The following LYPLAL1 variants were observed in gnomAD, a reference collection of about 807,000 sequenced individuals.
LYPLAL1 encodes lysophospholipase like 1.
LYPLAL1 carries 23 observed loss-of-function variants against 19.7 expected under a neutral mutation model. The observed-to-expected ratio is 1.17, with a 90% CI of 0.84 to 1.65. LYPLAL1 has a LOEUF of 1.65. LYPLAL1 is among the 40% of genes most tolerant of loss of function. The pLI, the probability that LYPLAL1 is intolerant of heterozygous loss-of-function variation, is 0.00. For synonymous variants in LYPLAL1, 119 were observed against 96.3 expected, an observed-to-expected ratio of 1.24 and a Z score of -1.38; for missense variants, 355 against 279.4, an observed-to-expected ratio of 1.27 and a Z score of -1.93.
At chr1:219,431,234 T>C in the LYPLAL1 span, among the ~76,000 whole-genome samples, 3 of 152,254 alleles carry the variant, frequency 2.0e-5, no homozygotes, top group African/African-American at 7.2e-5. Flanking sequence ...AGAACTATCA[T>C]ATGGGAAAGG....
chr1:219,383,347 G>T, the LYPLAL1 span, among the ~76,000 whole-genome samples: 1 of 152,238 alleles, frequency 6.6e-6, no homozygotes, highest in African/African-American at 2.4e-5. Flanking sequence ...TGAAATATAA[G>T]AAATTGTATT....
At chr1:219,362,779 C>T in the LYPLAL1 span, among the ~76,000 whole-genome samples, 1 of 151,918 alleles carries the variant, frequency 6.6e-6, no homozygotes, top group African/African-American at 2.4e-5. Flanking sequence ...GAGTTTTGTT[C>T]TATTTTAGTA....
the LYPLAL1 span, among the ~76,000 whole-genome samples, chr1:219,386,851 C>T: frequency 6.6e-6 from 1 of 152,130 alleles, no homozygotes; most frequent in East Asian, 1.9e-4. Flanking sequence ...ATAAATTCCA[C>T]CTCTGATATT....
the LYPLAL1 span, among the ~76,000 whole-genome samples, chr1:219,435,604 A>C: frequency 6.6e-6 from 1 of 152,030 alleles, no homozygotes; most frequent in Non-Finnish European, 1.5e-5. Flanking sequence ...AGGCAGGCGG[A>C]TCACGAGGTC....
chr1:219,334,643 G>T, the LYPLAL1 span, among the ~76,000 whole-genome samples: 2 of 151,536 alleles, frequency 1.3e-5, no homozygotes, highest in Non-Finnish European at 2.9e-5. Context: ...TGTAAAATTT[G>T]TATCTATTTT....
chr1:219,177,692 ATCTGTT>A (rs1225562407), intron 1 of LYPLAL1, among the ~76,000 whole-genome samples: 1 of 152,166 alleles, frequency 6.6e-6, no homozygotes, highest in African/African-American at 2.4e-5. Flanking sequence ...TTTCTCTAGT[ATCTGTT>A]TCTATCTACA....
At chr1:219,262,233 G>T in the LYPLAL1 span, among the ~76,000 whole-genome samples, 1 of 151,712 alleles carries the variant, frequency 6.6e-6, no homozygotes, top group African/African-American at 2.4e-5. Context: ...CTATTTTTCT[G>T]GAAATAATTC....
rs193106516 is a variant in LYPLAL1 at position 219,194,508 on chromosome 1, C to G, written c.361+1257C>G. ...ATCTATCTGCCTTACATATTTCTTA[C>G]AACCTGAAAGGGCCAATGAGATTCT... On this transcript the variant is annotated intron_variant, in intron 3 of 4. Transcript: ENST00000366928. 5.9e-4 allele frequency among the ~76,000 whole-genome samples: 90 copies of G among 152,144 alleles called. 1 individual carries two copies. In the East Asian group the frequency reaches 0.016, roughly 27 times the overall value.
chr1:219,394,550 A>G, the LYPLAL1 span, among the ~76,000 whole-genome samples: 1 of 152,168 alleles, frequency 6.6e-6, no homozygotes, highest in East Asian at 1.9e-4. Context: ...AATTAATTAC[A>G]CTGGGTACCA....
At chr1:219,413,954 G>T in the LYPLAL1 span, among the ~76,000 whole-genome samples, 1 of 152,176 alleles carries the variant, frequency 6.6e-6, no homozygotes, top group Non-Finnish European at 1.5e-5. Context: ...ACTTCTGCAA[G>T]CAAATACACT....
the LYPLAL1 span, among the ~76,000 whole-genome samples, chr1:219,312,114 C>T: frequency 6.6e-6 from 1 of 152,054 alleles, no homozygotes; most frequent in Non-Finnish European, 1.5e-5. Context: ...GTGCATTGGA[C>T]AGTTTGGGAA....
At chr1:219,383,650 T>A in the LYPLAL1 span, among the ~76,000 whole-genome samples, 1 of 152,174 alleles carries the variant, frequency 6.6e-6, no homozygotes, top group East Asian at 1.9e-4. Flanking sequence ...CAAGAACCCA[T>A]GCATAATATT....
chr1:219,278,030 C>T, the LYPLAL1 span, among the ~76,000 whole-genome samples: 1 of 152,178 alleles, frequency 6.6e-6, no homozygotes, highest in Non-Finnish European at 1.5e-5. Flanking sequence ...ATCACAATTT[C>T]AAAAATTGTT....
chr1:219,237,555 G>A, the LYPLAL1 span, among the ~76,000 whole-genome samples: 2 of 152,188 alleles, frequency 1.3e-5, no homozygotes, highest in Non-Finnish European at 2.9e-5. Context: ...TTTGTATAGA[G>A]TTATATTTGT....
the LYPLAL1 span, among the ~76,000 whole-genome samples, chr1:219,434,796 G>A: frequency 6.6e-6 from 1 of 152,156 alleles, no homozygotes; most frequent in South Asian, 2.1e-4. Context: ...ACAGGAGATC[G>A]GAGGGTTAGT....
intron 2 of LYPLAL1, among the ~76,000 whole-genome samples, chr1:219,191,387 A>C (rs1165887399): frequency 6.6e-6 from 1 of 151,640 alleles, no homozygotes; most frequent in East Asian, 1.9e-4. Context: ...ATTAAATTGC[A>C]GAATATGCTT....
At chr1:219,331,198 G>C in the LYPLAL1 span, among the ~76,000 whole-genome samples, 1 of 152,090 alleles carries the variant, frequency 6.6e-6, no homozygotes, top group Non-Finnish European at 1.5e-5. Context: ...AGATCTCTTT[G>C]ATTTTATGAC....
At chr1:219,233,496 G>T in the LYPLAL1 span, among the ~76,000 whole-genome samples, 3 of 152,200 alleles carry the variant, frequency 2.0e-5, no homozygotes, top group African/African-American at 7.2e-5. Context: ...GGCCAAGCAT[G>T]CTGGCTCACG....
chr1:219,206,061 C>A (rs1658546533), intron 3 of LYPLAL1, among the ~76,000 whole-genome samples: 1 of 151,962 alleles, frequency 6.6e-6, no homozygotes, highest in Non-Finnish European at 1.5e-5. Context: ...GACTTTATTG[C>A]ATGTTTAAAG....
Sources: gnomAD v4.1 joint callset for allele counts (sites outside exome capture counted in the v4.1 genomes callset) on GRCh38, gnomAD v4.1.1 for gene constraint, MANE v1.5 for transcripts, NCBI Gene and HGNC (gene_info 2026-07-23, HGNC 2026-07-21) for gene names.